DLC1: variants seen among roughly 807,000 people sequenced by gnomAD.
DLC1 encodes DLC1 Rho GTPase activating protein, also known as rho GTPase-activating protein 7.
In DLC1, 54 loss-of-function variants were observed where a neutral mutation model predicts 140.3. The ratio of observed to expected loss-of-function variants is 0.38; its 90% CI spans 0.31 to 0.48. DLC1 has a LOEUF of 0.48. Among genes scored for constraint, DLC1 ranks in the 20% least tolerant of loss-of-function variants. The probability of loss-of-function intolerance (pLI) is 0.96; values close to 1 mark genes in which losing one functional copy is unlikely to be tolerated. For missense variants in DLC1, 2,536 were observed against 1,907.0 expected (o/e 1.33, Z -6.14); for synonymous variants, 986 against 728.1 (o/e 1.35, Z -5.70).
intron 5 of DLC1, among the ~76,000 whole-genome samples, chr8:13,218,144 A>G (rs1286088989): frequency 6.6e-6 from 1 of 152,200 alleles, no homozygotes; most frequent in East Asian, 1.9e-4. Context: ...GATGGAAAGA[A>G]CAGTCTCTTC....
intron 5 of DLC1, among the ~76,000 whole-genome samples, chr8:13,296,571 G>A (rs948794537): frequency 1.3e-5 from 2 of 152,146 alleles, no homozygotes; most frequent in Non-Finnish European, 2.9e-5. Flanking sequence ...CCTGGACATG[G>A]ATAGACCTGA....
At chr8:13,109,324 G>A (rs963592259) in intron 7 of DLC1, among the ~76,000 whole-genome samples, 4 of 152,092 alleles carry the variant, frequency 2.6e-5, no homozygotes, top group Admixed American at 1.3e-4. Context: ...TTGGGAGGCC[G>A]AGATGGATGA....
At chr8:13,560,360 G>A (rs6985737) in intron 1 of DLC1, among the ~76,000 whole-genome samples, 26,618 of 152,158 alleles carry the variant, frequency 0.17, 2,602 homozygotes, top group East Asian at 0.29. Context: ...GATGTGAGCA[G>A]TCACTCTACA....
At chr8:13,580,822 A>G (rs1415173962) in intron 1 of DLC1, among the ~76,000 whole-genome samples, 1 of 152,214 alleles carries the variant, frequency 6.6e-6, no homozygotes, top group Non-Finnish European at 1.5e-5. Flanking sequence ...CTATGCTCAT[A>G]ATCAGGCTTT....
At chr8:13,510,266 C>T (rs1802300068) in intron 1 of DLC1, among the ~76,000 whole-genome samples, 1 of 151,708 alleles carries the variant, frequency 6.6e-6, no homozygotes, top group Admixed American at 6.6e-5. Flanking sequence ...CCTTCACCTC[C>T]CAGATTCAAG....
intron 4 of DLC1, among the ~76,000 whole-genome samples, chr8:13,390,443 A>C (rs1410274635): frequency 6.6e-6 from 1 of 152,216 alleles, no homozygotes; most frequent in Non-Finnish European, 1.5e-5. Context: ...ACATACATGT[A>C]CATGTGTCTT....
chr8:13,383,115 G>T (rs1354622839), intron 4 of DLC1, among the ~76,000 whole-genome samples: 1 of 152,120 alleles, frequency 6.6e-6, no homozygotes, highest in Non-Finnish European at 1.5e-5. Flanking sequence ...GCAAACACGG[G>T]GCATTTCATT....
At chr8:13,127,642 G>A (rs542243997) in intron 5 of DLC1, among the ~76,000 whole-genome samples, 37 of 152,194 alleles carry the variant, frequency 2.4e-4, no homozygotes, top group Non-Finnish European at 4.9e-4. Context: ...ACCGTGCATG[G>A]GCCACAGGCC....
At position 13,088,596 on chromosome 8, in the gene DLC1, C is replaced by T; in HGVS notation, c.4183G>A (p.Asp1395Asn). Residue 1395 changes from aspartate to asparagine, a missense_variant, in exon 16 of 18, where the codon GAC (aspartate) becomes AAC (asparagine). Coordinates refer to ENST00000276297, the MANE Select transcript of DLC1 (RefSeq NM_182643.3). ...TCGATCACTTTTGAATCCAACAGGTCTACATCCCAGAGGTGCTGTTCTTTA... is the reference window on the plus strand; with the variant it reads ...TCGATCACTTTTGAATCCAACAGGTTTACATCCCAGAGGTGCTGTTCTTTA... ...LLKEQHLWDV[D>N]LLDSKVIEIL... 1 of 1,614,148 alleles carries T rather than the reference C, an allele frequency of 6.2e-7. No homozygotes were observed. Among genetic ancestry groups the T allele is most frequent in the Non-Finnish European group, 8.5e-7 (1 of 1,180,042 alleles).
At chr8:13,113,903 A>G (rs943939839) in intron 6 of DLC1, among the ~76,000 whole-genome samples, 1 of 152,222 alleles carries the variant, frequency 6.6e-6, no homozygotes, top group African/African-American at 2.4e-5. Flanking sequence ...AAATATCACA[A>G]TCAGTCTAGG....
At chr8:13,423,963 G>T (rs1426978089) in intron 2 of DLC1, among the ~76,000 whole-genome samples, 1 of 152,044 alleles carries the variant, frequency 6.6e-6, no homozygotes, top group Non-Finnish European at 1.5e-5. Flanking sequence ...TCTGTTATTT[G>T]CTCAGCAAAA....
At chr8:13,417,522 C>T (rs1838125772) in intron 2 of DLC1, among the ~76,000 whole-genome samples, 1 of 151,624 alleles carries the variant, frequency 6.6e-6, no homozygotes, top group African/African-American at 2.4e-5. Flanking sequence ...CATCCATGTC[C>T]CTACAAAGGA....
intron 2 of DLC1, among the ~76,000 whole-genome samples, chr8:13,428,875 A>G (rs750790286): frequency 2.6e-5 from 4 of 152,238 alleles, no homozygotes; most frequent in Non-Finnish European, 4.4e-5. Context: ...CAGTAACCCA[A>G]TTATAGAAGA....
chr8:13,375,068 C>T lies in DLC1; in HGVS notation c.1314+18485G>A, dbSNP rs555826565. Among the ~76,000 whole-genome samples the T allele has an allele frequency of 2.0e-5, 3 of 148,346 alleles. No homozygotes were observed. In the Admixed American group the frequency reaches 2.0e-4, roughly 10 times the overall value. On this transcript the variant is annotated intron_variant, in intron 4 of 17. Transcript: ENST00000276297. Reference sequence around the variant, plus strand: ...TTTGAGACGGAGTCTGGCTCTGTCGCCCAGGCTGGAGTGCAGTGGCACAAT... The same window carrying T: ...TTTGAGACGGAGTCTGGCTCTGTCGTCCAGGCTGGAGTGCAGTGGCACAAT...
At chr8:13,120,209 G>A (rs867176647) in intron 5 of DLC1, among the ~76,000 whole-genome samples, 1 of 151,042 alleles carries the variant, frequency 6.6e-6, no homozygotes, top group Non-Finnish European at 1.5e-5. Flanking sequence ...CAGGCGTGGT[G>A]GCGGGTGCCT....
chr8:13,164,012 C>G (rs1352912214), intron 5 of DLC1, among the ~76,000 whole-genome samples: 2 of 151,146 alleles, frequency 1.3e-5, no homozygotes, highest in Admixed American at 6.6e-5. Context: ...AAAAAAAATT[C>G]TCAGCCGGGC....
chr8:13,584,191 A>C (rs1585302994), intron 1 of DLC1: 1 of 153,726 alleles, frequency 6.5e-6, no homozygotes, highest in Admixed American at 6.6e-5. Flanking sequence ...CTGTGGCTGG[A>C]TCTAGACAGT....
At chr8:13,103,777 T>C (rs897465038) in intron 7 of DLC1, among the ~76,000 whole-genome samples, 1 of 146,530 alleles carries the variant, frequency 6.8e-6, no homozygotes, top group Non-Finnish European at 1.5e-5. Flanking sequence ...GAGGTGAAGG[T>C]TGTAGTGAGC....
At chr8:13,514,564 A>G in intron 1 of DLC1, 38 bp downstream of exon 1, 2 of 398,490 alleles carry the variant, frequency 5.0e-6, no homozygotes, top group East Asian at 7.1e-5. Flanking sequence ...CTCTTCAAAG[A>G]CCGCCTCAAA....
Sources: allele counts gnomAD v4.1 joint callset (sites outside exome capture counted in the v4.1 genomes callset), GRCh38; gene constraint gnomAD v4.1.1; transcripts MANE v1.5; gene names NCBI Gene and HGNC (gene_info 2026-07-23, HGNC 2026-07-21).